Variants in SOS1 observed in about 807,000 individuals in gnomAD.
The protein encoded by SOS1 is son of sevenless homolog 1.
In SOS1, 25 loss-of-function variants were observed where a neutral mutation model predicts 157.6. The observed-to-expected ratio is 0.16, with a 90% CI of 0.12 to 0.22. The LOEUF is 0.22. SOS1 is among the 10% of genes least tolerant of loss of function. The probability of loss-of-function intolerance (pLI) is 1.00; values close to 1 mark genes in which losing one functional copy is unlikely to be tolerated. For synonymous variants in SOS1, 528 were observed against 534.0 expected (o/e 0.99, Z 0.16); for missense variants, 1,237 against 1,599.1 (o/e 0.77, Z 3.86).
intron 10 of SOS1, among the ~76,000 whole-genome samples, chr2:39,017,891 GGA>G (rs1353833348): frequency 1.3e-5 from 2 of 151,834 alleles, no homozygotes; most frequent in Admixed American, 1.3e-4. Flanking sequence ...GCTAACCACT[GGA>G]GACGTTTATC....
intron 6 of SOS1, among the ~76,000 whole-genome samples, chr2:39,046,712 A>T (rs1393556733): frequency 1.3e-5 from 2 of 152,152 alleles, no homozygotes. Context: ...CATATTGCCC[A>T]GGCTGGTCTT....
intron 17 of SOS1, 34 bp downstream of exon 17, chr2:39,006,378 G>T: frequency 3.0e-6 from 3 of 984,506 alleles, no homozygotes; most frequent in Non-Finnish European, 4.9e-6. Context: ...GTTTTATCCA[G>T]AAATGCAATA....
intron 2 of SOS1, among the ~76,000 whole-genome samples, chr2:39,065,673 G>A (rs952872946): frequency 2.0e-5 from 3 of 152,096 alleles, no homozygotes; most frequent in Non-Finnish European, 2.9e-5. Context: ...GTATCAGAAT[G>A]CATGCTCAAA....
chr2:39,011,250 C>T (rs1017879368), intron 14 of SOS1, among the ~76,000 whole-genome samples: 5 of 152,098 alleles, frequency 3.3e-5, no homozygotes, highest in African/African-American at 7.2e-5. Flanking sequence ...GTACTTTTAG[C>T]GTTCCTTTAT....
At chr2:39,105,290 A>T (rs1391128690) in intron 1 of SOS1, among the ~76,000 whole-genome samples, 11 of 144,360 alleles carry the variant, frequency 7.6e-5, no homozygotes, top group Non-Finnish European at 1.1e-4. Context: ...ATCCTGAACT[A>T]TTTTTTTTTT....
At chr2:39,107,805 T>C (rs1329890752) in intron 1 of SOS1, among the ~76,000 whole-genome samples, 1 of 152,072 alleles carries the variant, frequency 6.6e-6, no homozygotes, top group Non-Finnish European at 1.5e-5. Flanking sequence ...AGAGATTCAC[T>C]CTACTCAGGG....
chr2:38,995,046 T>A (rs1668845901), intron 20 of SOS1, 77 bp downstream of exon 20: 2 of 1,251,572 alleles, frequency 1.6e-6, no homozygotes, highest in East Asian at 2.4e-5. Flanking sequence ...TACAAAAAAA[T>A]AACAGAGATT....
chr2:39,049,102 G>A (rs1453581749), intron 6 of SOS1, among the ~76,000 whole-genome samples: 1 of 152,056 alleles, frequency 6.6e-6, no homozygotes, highest in African/African-American at 2.4e-5. Flanking sequence ...ATTTTTAGTG[G>A]AGATGGGGTT....
chr2:39,089,729 G>A (rs935592089), intron 1 of SOS1, among the ~76,000 whole-genome samples: 10 of 151,960 alleles, frequency 6.6e-5, no homozygotes, highest in African/African-American at 2.4e-4. Flanking sequence ...CACTTCCCAT[G>A]TTCATGGTAC....
In SOS1 at chr2:38,985,419, TAA is replaced by T. The variant is rs1170298500; in HGVS notation, c.*403_*404del. 9.5e-5 allele frequency: 6 copies of T among 63,332 alleles called. No homozygotes were observed. The highest frequency in any genetic ancestry group is 4.4e-4 in the African/African-American group (2 of 4,522). The allele number at this position is 63,332 out of a possible 1,614,324, so 3.9% of individuals were successfully genotyped here. A position where few individuals can be genotyped will look rare whatever the true frequency, so the allele number is the denominator to read the frequency against. ...AAAGGAAGATATTAAGATCCCTGTT[TAA>T]GTTTTTTTTTTTAAAAGTGCATAAT... On this transcript the variant is annotated 3_prime_UTR_variant, in exon 23 of 23. Coordinates refer to ENST00000402219, the MANE Select transcript of SOS1 (RefSeq NM_005633.4).
At chr2:39,045,883 AT>A (rs372460237) in intron 6 of SOS1, among the ~76,000 whole-genome samples, 11 of 147,090 alleles carry the variant, frequency 7.5e-5, no homozygotes, top group Non-Finnish European at 6.0e-5. Flanking sequence ...TAATTTTTGT[AT>A]TTTTTTTTTA....
chr2:38,994,845 T>C (rs1206705697), intron 20 of SOS1, among the ~76,000 whole-genome samples: 2 of 152,232 alleles, frequency 1.3e-5, no homozygotes, highest in East Asian at 3.8e-4. Flanking sequence ...GAGGAATGCA[T>C]TTGAAAAGCT....
Position 39,105,026 on chromosome 2 carries a change from CAAT to C in SOS1, c.87+15307_87+15309del, listed in dbSNP as rs530811532. On this transcript the variant is annotated intron_variant, in intron 1 of 22. Transcript: ENST00000402219. ...AATGTTGTATAAATATATTTCACCACAATAAAAAAAATCAAAGAAAAAGTTATT... is the reference window on the plus strand; with the variant it reads ...AATGTTGTATAAATATATTTCACCACAAAAAAAATCAAAGAAAAAGTTATT... 9.2e-4 allele frequency among the ~76,000 whole-genome samples: 140 copies of C among 151,926 alleles called. 3 individuals are homozygous for C. The highest frequency in any genetic ancestry group is 3.4e-3 in the African/African-American group (139 of 41,438).
At chr2:39,121,131 A>G (rs930889611), upstream of SOS1, 21 of 153,446 alleles carry the variant, frequency 1.4e-4, no homozygotes, top group Non-Finnish European at 1.9e-4. Context: ...TCGAGAGAGA[A>G]AGAGAGAGAG....
chr2:39,102,008 C>G (rs1450548595), intron 1 of SOS1, among the ~76,000 whole-genome samples: 1 of 148,860 alleles, frequency 6.7e-6, no homozygotes, highest in African/African-American at 2.5e-5. Context: ...GAGTTCGAGA[C>G]CAGCCTGACC....
intron 1 of SOS1, among the ~76,000 whole-genome samples, chr2:39,093,076 C>CT (rs1315113757): frequency 1.3e-5 from 2 of 152,074 alleles, no homozygotes; most frequent in Non-Finnish European, 2.9e-5. Context: ...TACAGAAATA[C>CT]TTTTTTAAAT....
At chr2:38,996,612 T>G (rs570572510) in intron 19 of SOS1, among the ~76,000 whole-genome samples, 1 of 152,294 alleles carries the variant, frequency 6.6e-6, no homozygotes, top group East Asian at 1.9e-4. Flanking sequence ...AGATATTTTA[T>G]TACAAGTGAA....
chr2:39,071,320 G>A (rs1008376187), intron 1 of SOS1, among the ~76,000 whole-genome samples: 2 of 152,216 alleles, frequency 1.3e-5, no homozygotes, highest in African/African-American at 2.4e-5. Context: ...GTACCCTAGT[G>A]TACGGAGTGG....
At chr2:39,069,048 T>C (rs1671688743) in intron 1 of SOS1, among the ~76,000 whole-genome samples, 1 of 151,952 alleles carries the variant, frequency 6.6e-6, no homozygotes, top group Non-Finnish European at 1.5e-5. Flanking sequence ...GGGAAAATTT[T>C]ATAAACAGTG....
Sources: gnomAD v4.1 joint callset for allele counts (sites outside exome capture counted in the v4.1 genomes callset) on GRCh38, gnomAD v4.1.1 for gene constraint, MANE v1.5 for transcripts, NCBI Gene and HGNC (gene_info 2026-07-23, HGNC 2026-07-21) for gene names.